CDH18: variants seen among roughly 807,000 people sequenced by gnomAD.
CDH18 encodes the protein cadherin 18.
CDH18 carries 31 observed loss-of-function variants against 67.9 expected under a neutral mutation model. The observed-to-expected ratio is 0.46, with a 90% CI of 0.34 to 0.62. The LOEUF is 0.62. Among genes scored for constraint, CDH18 ranks in the 20% least tolerant of loss-of-function variants. CDH18 has a pLI of 0.01. For missense variants in CDH18, 890 were observed against 975.5 expected (o/e 0.91, Z 1.17); for synonymous variants, 362 against 347.2 (o/e 1.04, Z -0.48).
At chr5:20,206,970 T>G (rs895533146) in intron 2 of CDH18, among the ~76,000 whole-genome samples, 14 of 151,942 alleles carry the variant, frequency 9.2e-5, no homozygotes, top group Admixed American at 5.3e-4. Flanking sequence ...TTTTATTCAA[T>G]GTAATACTGG....
chr5:19,733,585 T>C (rs1767901518), intron 4 of CDH18, among the ~76,000 whole-genome samples: 1 of 152,036 alleles, frequency 6.6e-6, no homozygotes, highest in Non-Finnish European at 1.5e-5. Context: ...ACCCACCAAA[T>C]GAGGGTGCCC....
At chr5:20,390,822 T>C (rs1397316218) in intron 1 of CDH18, among the ~76,000 whole-genome samples, 1 of 151,634 alleles carries the variant, frequency 6.6e-6, no homozygotes, top group Non-Finnish European at 1.5e-5. Flanking sequence ...AAAGGATGAG[T>C]TCATGTCCTT....
At chr5:20,137,796 G>A (rs1223931379) in intron 2 of CDH18, among the ~76,000 whole-genome samples, 1 of 151,818 alleles carries the variant, frequency 6.6e-6, no homozygotes, top group Non-Finnish European at 1.5e-5. Flanking sequence ...ATATTTGTTA[G>A]TTTTCCTTCT....
At chr5:20,304,339 A>C (rs1416907099) in intron 1 of CDH18, 2 of 1,534,776 alleles carry the variant, frequency 1.3e-6, no homozygotes, top group Non-Finnish European at 1.8e-6. Context: ...CTTTAAATTC[A>C]TTATCTTTCT....
chr5:19,695,768 T>C (rs1037146), intron 5 of CDH18, among the ~76,000 whole-genome samples: 139,026 of 152,188 alleles, frequency 0.91, 64,781 homozygotes, highest in East Asian at 1. Flanking sequence ...CCTTTGACTG[T>C]TACAGCAACC....
chr5:20,535,129 A>G (rs935598404), intron 1 of CDH18, among the ~76,000 whole-genome samples: 2 of 152,100 alleles, frequency 1.3e-5, no homozygotes, highest in Admixed American at 1.3e-4. Flanking sequence ...TGGTTATATT[A>G]CTCTATCTCT....
chr5:19,800,322 G>T (rs1309784978), intron 3 of CDH18, among the ~76,000 whole-genome samples: 1 of 152,064 alleles, frequency 6.6e-6, no homozygotes, highest in African/African-American at 2.4e-5. Flanking sequence ...AGAGCATTTA[G>T]CACGTAGTCA....
intron 2 of CDH18, among the ~76,000 whole-genome samples, chr5:20,014,345 T>G (rs893729551): frequency 1.1e-4 from 17 of 152,058 alleles, no homozygotes; most frequent in Non-Finnish European, 2.9e-5. Flanking sequence ...AGTATTACTG[T>G]GATGGGATAA....
chr5:19,691,841 C>G (rs1301349518), intron 5 of CDH18, among the ~76,000 whole-genome samples: 1 of 151,822 alleles, frequency 6.6e-6, no homozygotes, highest in African/African-American at 2.4e-5. Flanking sequence ...TATCAAAATA[C>G]CATTGCCATT....
At chr5:20,468,390 T>G (rs1751814904) in intron 1 of CDH18, among the ~76,000 whole-genome samples, 1 of 152,202 alleles carries the variant, frequency 6.6e-6, no homozygotes. Flanking sequence ...CGCTGGCATC[T>G]GCCGGCATCT....
chr5:19,483,668 G>A (rs1739879993), intron 11 of CDH18, 116 bp from the exon 12 acceptor site: 1 of 1,099,010 alleles, frequency 9.1e-7, no homozygotes, highest in Non-Finnish European at 1.3e-6. Context: ...TTTATGAAAT[G>A]GACAAGGGAA....
chr5:20,514,407 G>A (rs962297730), intron 1 of CDH18, among the ~76,000 whole-genome samples: 1 of 152,040 alleles, frequency 6.6e-6, no homozygotes, highest in Non-Finnish European at 1.5e-5. Flanking sequence ...TCCTTTCATT[G>A]TTATCATACC....
intron 3 of CDH18, among the ~76,000 whole-genome samples, chr5:19,800,241 G>C (rs906262906): frequency 1.3e-5 from 2 of 151,980 alleles, no homozygotes; most frequent in African/African-American, 2.4e-5. Context: ...TGGCAGGTGG[G>C]GGCAAGATAG....
intron 5 of CDH18, among the ~76,000 whole-genome samples, chr5:19,638,138 C>T (rs542205792): frequency 1.3e-5 from 2 of 151,972 alleles, no homozygotes; most frequent in Non-Finnish European, 2.9e-5. Flanking sequence ...CATAACAAGT[C>T]GACAGTAAAC....
chr5:20,286,398 T>TA (rs1746698417), intron 1 of CDH18, among the ~76,000 whole-genome samples: 1 of 151,614 alleles, frequency 6.6e-6, no homozygotes, highest in South Asian at 2.1e-4. Flanking sequence ...GTATTGAAAA[T>TA]ACTGATTTCT....
chr5:20,183,387 T>C (rs1385742159), intron 2 of CDH18, among the ~76,000 whole-genome samples: 4 of 152,066 alleles, frequency 2.6e-5, no homozygotes, highest in Admixed American at 2.0e-4. Flanking sequence ...AAAATGACTT[T>C]AATAATAATT....
rs148292031 is a variant in CDH18 at position 20,493,356 on chromosome 5, T to TAAAAAAAA, written c.-580+82098_-580+82105dup. ...AGGGCAAGACTCTGTTTCAGAAAATTAAAAAAAAAAAAAAAAAAAAAAAAA... is the reference window on the plus strand; with the variant it reads ...AGGGCAAGACTCTGTTTCAGAAAATTAAAAAAAAAAAAAAAAAAAAAAAAAAAAAAAAA... On this transcript the variant is annotated intron_variant, in intron 1 of 14. Coordinates refer to the CDH18 transcript ENST00000507958. Among the ~76,000 whole-genome samples the TAAAAAAAA allele has an allele frequency of 4.4e-3, 207 of 47,204 alleles. 4 individuals are homozygous for TAAAAAAAA. Among genetic ancestry groups the TAAAAAAAA allele is most frequent in the East Asian group, 0.01 (10 of 978 alleles). 31.0% of individuals were successfully genotyped at this position (47,204 alleles called of 152,430 possible).
chr5:20,464,150 A>G (rs1751470797), intron 1 of CDH18, among the ~76,000 whole-genome samples: 1 of 152,202 alleles, frequency 6.6e-6, no homozygotes, highest in Non-Finnish European at 1.5e-5. Flanking sequence ...TCAAGTTTAT[A>G]AGCAACAACA....
chr5:20,137,613 C>T (rs1387248414), intron 2 of CDH18, among the ~76,000 whole-genome samples: 2 of 152,032 alleles, frequency 1.3e-5, no homozygotes, highest in Non-Finnish European at 2.9e-5. Flanking sequence ...TCTCCGTCCA[C>T]CTTTGTTCCA....
Sources: gnomAD v4.1 joint callset for allele counts (sites outside exome capture counted in the v4.1 genomes callset) on GRCh38, gnomAD v4.1.1 for gene constraint, MANE v1.5 for transcripts, NCBI Gene and HGNC (gene_info 2026-07-23, HGNC 2026-07-21) for gene names.